The following IQSEC3 variants were observed in gnomAD, a reference collection of about 807,000 sequenced individuals.
IQSEC3 encodes the protein IQ motif and SEC7 domain-containing protein 3.
Under a neutral mutation model 105.4 loss-of-function variants are expected in IQSEC3, and 50 were observed. The ratio of observed to expected loss-of-function variants is 0.47; its 90% CI spans 0.38 to 0.60. The LOEUF is 0.60. IQSEC3 is among the 20% of genes least tolerant of loss of function. The pLI is 0.00. For synonymous variants in IQSEC3, 708 were observed against 746.0 expected, an observed-to-expected ratio of 0.95 and a Z score of 0.83; for missense variants, 1,415 against 1,630.0, an observed-to-expected ratio of 0.87 and a Z score of 2.27.
intron 3 of IQSEC3, among the ~76,000 whole-genome samples, chr12:132,272 G>A (rs538900119): frequency 1.3e-5 from 2 of 152,272 alleles, no homozygotes; most frequent in East Asian, 3.9e-4. Flanking sequence ...GAGCCTCGTG[G>A]GGGCGGTCGG....
At chr12:102,520 T>C (rs1471262900) in intron 2 of IQSEC3, among the ~76,000 whole-genome samples, 1 of 152,146 alleles carries the variant, frequency 6.6e-6, no homozygotes, top group Non-Finnish European at 1.5e-5. Context: ...ATCTATCTGA[T>C]CAGAGATGTG....
At chr12:113,924 G>A (rs1183309257) in intron 2 of IQSEC3, among the ~76,000 whole-genome samples, 5 of 152,224 alleles carry the variant, frequency 3.3e-5, no homozygotes, top group Non-Finnish European at 7.3e-5. Flanking sequence ...GGGAATCACT[G>A]TAATGTGTGG....
chr12:83,589 G>A (rs1157680312), intron 1 of IQSEC3, among the ~76,000 whole-genome samples: 2 of 151,684 alleles, frequency 1.3e-5, no homozygotes, highest in Non-Finnish European at 2.9e-5. Flanking sequence ...CAGAAGAAGG[G>A]AAGGGGGGCC....
chr12:81,242 C>A (rs570630900), intron 1 of IQSEC3, among the ~76,000 whole-genome samples: 24 of 149,272 alleles, frequency 1.6e-4, no homozygotes, highest in Admixed American at 5.9e-4. Context: ...AGAAATGCCC[C>A]TGTTTCTTGT....
chr12:71,585 A>C (rs1233903594), intron 1 of IQSEC3, among the ~76,000 whole-genome samples: 2 of 152,294 alleles, frequency 1.3e-5, no homozygotes, highest in African/African-American at 4.8e-5. Flanking sequence ...ATAGCTGGAA[A>C]GGGAACAGAA....
At chr12:167,713 A>T (rs1420115636) in intron 11 of IQSEC3, 3 of 152,240 alleles carry the variant, frequency 2.0e-5, no homozygotes, top group Non-Finnish European at 2.9e-5. Context: ...CGTCTCTACA[A>T]AAAAGAAAAG....
At position 165,871 on chromosome 12, in the gene IQSEC3, G is replaced by A; in HGVS notation, c.2952G>A (p.Leu984=). 6.2e-7 allele frequency: 1 copy of A among 1,614,062 alleles called. No homozygotes were observed. The highest frequency in any genetic ancestry group is 8.5e-7 in the Non-Finnish European group (1 of 1,180,024). The part of the protein sequence containing the change: ...LKESIAEVTE[L]EQIRIEWELE... ...AGTCCATTGCTGAGGTGACGGAGCTGGAGCAGATCCGAATAGAGTGTAAGG... is the reference window on the plus strand; with the variant it reads ...AGTCCATTGCTGAGGTGACGGAGCTAGAGCAGATCCGAATAGAGTGTAAGG... The change falls in exon 11 of 14, where the codon CTG becomes CTA. Residue 984 remains leucine (L), a synonymous_variant. Coordinates refer to ENST00000538872, the MANE Select transcript of IQSEC3 (RefSeq NM_001170738.2).
intron 2 of IQSEC3, among the ~76,000 whole-genome samples, chr12:112,243 A>T (rs1306113091): frequency 2.2e-5 from 3 of 134,170 alleles, no homozygotes; most frequent in African/African-American, 8.6e-5. Flanking sequence ...GTAAACTTTC[A>T]TCTTAGACTA....
chr12:138,927 C>T lies in IQSEC3; in HGVS notation c.1564C>T (p.Pro522Ser). The T allele has an allele frequency of 6.3e-7, 1 of 1,596,658 alleles. No individual in the cohort carries two copies. Among genetic ancestry groups the T allele is most frequent in the Non-Finnish European group, 8.5e-7 (1 of 1,172,496 alleles). ...GAQTVQAPAE[P>S]AAGKAEQGET... Reference sequence around the variant, plus strand: ...TCAGACGGTCCAGGCCCCCGCAGAGCCCGCGGCGGGCAAGGCCGAGCAGGG... The same window carrying T: ...TCAGACGGTCCAGGCCCCCGCAGAGTCCGCGGCGGGCAAGGCCGAGCAGGG... The change falls in exon 4 of 14, where the codon CCC becomes TCC. Residue 522 changes from proline to serine, a missense_variant. Physicochemically the swap from Pro to Ser is moderately conservative, Grantham distance 74. Coordinates refer to ENST00000538872, the MANE Select transcript of IQSEC3 (RefSeq NM_001170738.2). This position sits in a 1 kb window ranked among gnomAD's most constrained non-coding sequence, Gnocchi z 7.1.
intron 1 of IQSEC3, among the ~76,000 whole-genome samples, chr12:97,167 A>G (rs563970861): frequency 1.1e-4 from 16 of 152,338 alleles, no homozygotes; most frequent in African/African-American, 3.1e-4. Flanking sequence ...CGTTCTGTCA[A>G]CTGCTATTCC....
At chr12:162,336 G>A (rs1866930487) in intron 8 of IQSEC3, among the ~76,000 whole-genome samples, 1 of 152,092 alleles carries the variant, frequency 6.6e-6, no homozygotes, top group African/African-American at 2.4e-5. Flanking sequence ...GGAAGCATCT[G>A]GGTGGCCAGA....
intron 1 of IQSEC3, among the ~76,000 whole-genome samples, chr12:97,236 C>T (rs1864267641): frequency 6.6e-6 from 1 of 152,196 alleles, no homozygotes; most frequent in African/African-American, 2.4e-5. Context: ...TGCTGGAGCT[C>T]AGTGCAGAGT....
At chr12:150,094 G>A (rs928221404) in intron 5 of IQSEC3, among the ~76,000 whole-genome samples, 11 of 152,162 alleles carry the variant, frequency 7.2e-5, no homozygotes, top group African/African-American at 1.7e-4. Context: ...CCTAAACTGC[G>A]GCTGTGGGCA....
intron 2 of IQSEC3, among the ~76,000 whole-genome samples, chr12:100,967 G>T (rs1219365290): frequency 6.6e-6 from 1 of 152,148 alleles, no homozygotes; most frequent in Non-Finnish European, 1.5e-5. Context: ...CCTAGAAACT[G>T]CCTTCCTTGG....
intron 7 of IQSEC3, among the ~76,000 whole-genome samples, chr12:158,118 C>T (rs782719647): frequency 9.9e-5 from 15 of 152,110 alleles, no homozygotes; most frequent in East Asian, 7.7e-4. Context: ...ATCGATGCAG[C>T]GCACTGCCTG....
intron 7 of IQSEC3, among the ~76,000 whole-genome samples, chr12:160,493 G>A (rs1167299876): frequency 1.3e-5 from 2 of 152,174 alleles, no homozygotes; most frequent in African/African-American, 2.4e-5. Context: ...CTTTAAGTGG[G>A]AAGTGGAGTT....
At chr12:100,993 C>T (rs1446471327) in intron 2 of IQSEC3, among the ~76,000 whole-genome samples, 1 of 152,178 alleles carries the variant, frequency 6.6e-6, no homozygotes, top group African/African-American at 2.4e-5. Context: ...GAGAGAAAAG[C>T]TGTCTGGCCT....
intron 7 of IQSEC3, among the ~76,000 whole-genome samples, chr12:159,707 A>G (rs1283238518): frequency 6.6e-6 from 1 of 152,142 alleles, no homozygotes; most frequent in Non-Finnish European, 1.5e-5. Flanking sequence ...ATCTTGCTAC[A>G]GTTCTTCTTC....
rs782520147 is a variant in IQSEC3, at chr12:138,488, C to T, written c.1125C>T (p.Gly375=). 7 of 1,591,324 alleles carry T rather than the reference C, an allele frequency of 4.4e-6. No homozygotes were observed. In the South Asian group the frequency reaches 7.8e-5, roughly 18 times the overall value. ...AAEKALMEGY[G]LVGLPLVRSP... ...AGAAAGCGCTCATGGAGGGCTACGG[C>T]CTCGTGGGGCTGCCGCTGGTGCGCT... Residue 375 remains glycine (G), a synonymous_variant, in exon 4 of 14, where the codon GGC becomes GGT. Coordinates refer to ENST00000538872, the MANE Select transcript of IQSEC3 (RefSeq NM_001170738.2). The surrounding 1 kb of genome is among the most constrained non-coding windows in gnomAD (Gnocchi z 7.1).
Sources: allele counts gnomAD v4.1 joint callset (sites outside exome capture counted in the v4.1 genomes callset), GRCh38; gene constraint gnomAD v4.1.1; non-coding constraint Gnocchi (gnomAD v3.1); transcripts MANE v1.5; gene names NCBI Gene and HGNC (gene_info 2026-07-23, HGNC 2026-07-21).